Variants in TG observed in about 807,000 individuals in gnomAD.
TG encodes the protein thyroglobulin, also known as thyroid hormones.
A neutral mutation model predicts 324.7 loss-of-function variants in TG; 270 were observed. The observed-to-expected ratio is 0.83, with a 90% CI of 0.75 to 0.92. The LOEUF is 0.92. Ranked by LOEUF, TG falls within the 40% of genes least tolerant of loss-of-function variation. The pLI, the probability that TG is intolerant of heterozygous loss-of-function variation, is 0.00. For synonymous variants in TG, 1,401 were observed against 1,327.0 expected, an observed-to-expected ratio of 1.06 and a Z score of -1.21; for missense variants, 3,591 against 3,456.4, an observed-to-expected ratio of 1.04 and a Z score of -0.98.
rs1352279219 is a variant in TG, at chr8:133,078,879, G to C, written c.7240-16165G>C. On this transcript the variant is annotated intron_variant, in intron 41 of 47. Coordinates refer to ENST00000220616, the MANE Select transcript of TG (RefSeq NM_003235.5). ...ATCTCCATCCCTCCCTGCCCTCAAG[G>C]AGTTTCTGATCTAGCAGAGGAGACA... is the stretch of plus-strand genomic sequence containing the variant. Among the ~76,000 whole-genome samples, 10 of 152,308 alleles carry C rather than the reference G, an allele frequency of 6.6e-5. No individual in the cohort carries two copies. The East Asian group carries it at 1.7e-3, about 26-fold the overall frequency.
intron 43 of TG, chr8:133,102,553 C>A (rs1280564513): frequency 6.4e-7 from 1 of 1,551,460 alleles, no homozygotes; most frequent in Non-Finnish European, 8.7e-7. Flanking sequence ...AGCAACCTAC[C>A]GGTGGAGCAT....
Position 133,119,992 on chromosome 8 carries a change from G to T in TG, c.7862+3276G>T, listed in dbSNP as rs534352235. Among the ~76,000 whole-genome samples, 5 of 152,334 alleles carry T rather than the reference G, an allele frequency of 3.3e-5. No homozygotes were observed. The South Asian group carries it at 1.0e-3, about 32-fold the overall frequency. On this transcript the variant is annotated intron_variant, in intron 45 of 47. Coordinates refer to ENST00000220616, the MANE Select transcript of TG (RefSeq NM_003235.5). ...TGATGACAAGAGCCATGTGGTTTGG[G>T]TGGAGATGAAGGTGCCCTCCTAATC...
chr8:132,995,549 C>G, intron 35 of TG: 1 of 984,692 alleles, frequency 1.0e-6, no homozygotes, highest in Non-Finnish European at 1.2e-6. Flanking sequence ...ATTTGTGCCT[C>G]AGAATTTCTA....
chr8:133,116,504 G>C, intron 44 of TG, 105 bp from the exon 45 acceptor site: 1 of 912,554 alleles, frequency 1.1e-6, no homozygotes, highest in Non-Finnish European at 1.8e-6. Context: ...TGGCAGGGGT[G>C]GGTTGGGGGC....
chr8:133,049,187 CA>C, intron 41 of TG: 1 of 456,136 alleles, frequency 2.2e-6, no homozygotes, highest in Non-Finnish European at 4.4e-6. Flanking sequence ...GGAACGACTA[CA>C]GGGGAAAGCA....
chr8:133,093,366 T>TA (rs150512945), intron 41 of TG, among the ~76,000 whole-genome samples: 10,282 of 152,146 alleles, frequency 0.068, 1,146 homozygotes, highest in African/African-American at 0.23. Flanking sequence ...CTCTCTCTTT[T>TA]AAAAATGCTG....
At chr8:133,059,060 A>G (rs1301505330) in intron 41 of TG, 1 of 456,520 alleles carries the variant, frequency 2.2e-6, no homozygotes, top group South Asian at 1.5e-5. Flanking sequence ...AATGTGCAGT[A>G]CCTGGAGGCA....
intron 45 of TG, among the ~76,000 whole-genome samples, chr8:133,122,091 T>C (rs1441654025): frequency 6.6e-6 from 1 of 152,212 alleles, no homozygotes; most frequent in East Asian, 1.9e-4. Flanking sequence ...TCTGTTAGCA[T>C]ATATTAGCTT....
chr8:132,958,150 C>T (rs1827204402), intron 27 of TG, among the ~76,000 whole-genome samples: 1 of 152,192 alleles, frequency 6.6e-6, no homozygotes. Flanking sequence ...TCATTGGCTT[C>T]AGCCTTAGAC....
chr8:132,985,073 T>G (rs1162494461), intron 35 of TG, among the ~76,000 whole-genome samples: 1 of 152,344 alleles, frequency 6.6e-6, no homozygotes, highest in East Asian at 1.9e-4. Context: ...TCCGTGTTTC[T>G]AAGTTACAGT....
chr8:133,079,656 T>C (rs576974884), intron 41 of TG, among the ~76,000 whole-genome samples: 25 of 152,166 alleles, frequency 1.6e-4, no homozygotes, highest in Non-Finnish European at 3.1e-4. Flanking sequence ...TATGAGCAGA[T>C]TTCCATTCCT....
chr8:133,015,099 C>T (rs936105285), intron 37 of TG, among the ~76,000 whole-genome samples: 12 of 152,194 alleles, frequency 7.9e-5, no homozygotes, highest in Admixed American at 7.2e-4. Flanking sequence ...TCTTGAACTC[C>T]TGGCTTCAAG....
At chr8:132,997,325 A>T (rs1326191451) in intron 35 of TG, among the ~76,000 whole-genome samples, 2 of 152,176 alleles carry the variant, frequency 1.3e-5, no homozygotes, top group Non-Finnish European at 2.9e-5. Flanking sequence ...AGCTTAAAGG[A>T]CATCTGCTTG....
intron 19 of TG, 98 bp downstream of exon 19, chr8:132,911,631 T>C: frequency 5.0e-6 from 5 of 998,626 alleles, no homozygotes; most frequent in Non-Finnish European, 8.1e-6. Context: ...AAGCCCATGA[T>C]GTCTTCTTGT....
At chr8:132,990,287 T>C (rs999936126) in intron 35 of TG, among the ~76,000 whole-genome samples, 1 of 151,988 alleles carries the variant, frequency 6.6e-6, no homozygotes, top group Non-Finnish European at 1.5e-5. Flanking sequence ...CATTTTTTGC[T>C]CTTATTTTTA....
At chr8:133,056,083 G>C (rs532417272) in intron 41 of TG, among the ~76,000 whole-genome samples, 2 of 152,244 alleles carry the variant, frequency 1.3e-5, no homozygotes, top group African/African-American at 4.8e-5. Context: ...CCCTGGGCAG[G>C]GCAGGGCATG....
chr8:133,055,847 AGCAGCAGCAGCAGCAGCAGC>A (rs1281578096), intron 41 of TG, among the ~76,000 whole-genome samples: 11 of 81,422 alleles, frequency 1.4e-4, no homozygotes, highest in African/African-American at 5.0e-4. Flanking sequence ...CAGCAGCAGC[AGCAGCAGCAGCAGCAGCAGC>A]AGCAGGGCGC....
At chr8:133,094,711 G>A (rs940809071) in intron 41 of TG, 9 of 393,986 alleles carry the variant, frequency 2.3e-5, no homozygotes, top group African/African-American at 1.9e-4. Flanking sequence ...AGAGGACTTT[G>A]CCACAATCTC....
intron 35 of TG, among the ~76,000 whole-genome samples, chr8:132,986,229 CTGTA>C (rs1378382891): frequency 6.6e-6 from 1 of 151,864 alleles, no homozygotes; most frequent in Non-Finnish European, 1.5e-5. Flanking sequence ...TTTAGGCTCT[CTGTA>C]TGGTCTGATA....
Sources: allele counts gnomAD v4.1 joint callset (sites outside exome capture counted in the v4.1 genomes callset), GRCh38; gene constraint gnomAD v4.1.1; transcripts MANE v1.5; gene names NCBI Gene and HGNC (gene_info 2026-07-23, HGNC 2026-07-21).